SLC2A9: variants seen among roughly 807,000 people sequenced by gnomAD.
SLC2A9 encodes solute carrier family 2 member 9.
In SLC2A9, 39 loss-of-function variants were observed where a neutral mutation model predicts 50.6. That is an observed-to-expected ratio of 0.77 (90% CI 0.60 to 1.01). SLC2A9 has a LOEUF of 1.01. Ranked by LOEUF, SLC2A9 falls within the 50% of genes least tolerant of loss-of-function variation. The pLI is 0.00. For synonymous variants in SLC2A9, 324 were observed against 276.9 expected, an observed-to-expected ratio of 1.17 and a Z score of -1.69; for missense variants, 686 against 677.6, an observed-to-expected ratio of 1.01 and a Z score of -0.14.
downstream of SLC2A9, among the ~76,000 whole-genome samples, chr4:9,778,057 CTTCCT>C (rs1560270717): frequency 6.8e-4 from 2 of 2,946 alleles, no homozygotes; most frequent in Admixed American, 2.1e-3. Context: ...TCTTTCTTTC[CTTCCT>C]TCCTTCCTTC....
chr4:9,783,520 C>T lies in SLC2A9; in HGVS notation n.386-3455G>A, dbSNP rs564604787. ...ATAACCGCACAGACATTGACAAGCA[C>T]GCACACACACGCAAATACATGCCTT... On this transcript the variant is annotated intron_variant and non_coding_transcript_variant, in intron 3 of 3. Transcript: ENST00000503803. The T allele has an allele frequency of 5.5e-6, 8 of 1,453,806 alleles. No individual in the cohort carries two copies. In the East Asian group the frequency reaches 6.9e-5, roughly 13 times the overall value. 90.1% of individuals were successfully genotyped at this position (1,453,806 alleles called of 1,614,324 possible).
chr4:10,000,834 TG>T (rs1759663019), intron 2 of SLC2A9, among the ~76,000 whole-genome samples: 1 of 152,126 alleles, frequency 6.6e-6, no homozygotes, highest in Non-Finnish European at 1.5e-5. Context: ...CCTCCCTACG[TG>T]AGTGAATGGG....
chr4:9,873,200 T>C (rs1733737156), intron 10 of SLC2A9, among the ~76,000 whole-genome samples: 1 of 152,202 alleles, frequency 6.6e-6, no homozygotes, highest in African/African-American at 2.4e-5. Context: ...ACTCTATGTG[T>C]GTGCACATGC....
At chr4:9,913,194 C>T (rs972210736) in intron 7 of SLC2A9, among the ~76,000 whole-genome samples, 5 of 152,198 alleles carry the variant, frequency 3.3e-5, no homozygotes, top group African/African-American at 1.2e-4. Context: ...GGGGCTCCTT[C>T]AACAAAATAA....
intron 10 of SLC2A9, among the ~76,000 whole-genome samples, chr4:9,871,109 G>C (rs1192929766): frequency 6.6e-6 from 1 of 152,110 alleles, no homozygotes; most frequent in African/African-American, 2.4e-5. Flanking sequence ...AATTTTAAAA[G>C]TTCCCTGGTC....
intron 10 of SLC2A9, among the ~76,000 whole-genome samples, chr4:9,853,175 C>CA (rs35342884): frequency 0.23 from 18,358 of 79,222 alleles, 1,830 homozygotes; most frequent in African/African-American, 0.34. Context: ...AACTCCCTCT[C>CA]AAAAAAAAAA....
chr4:9,845,385 T>C (rs1407998806), intron 10 of SLC2A9, among the ~76,000 whole-genome samples: 3 of 151,064 alleles, frequency 2.0e-5, no homozygotes, highest in African/African-American at 4.9e-5. Context: ...CCTTAATTCA[T>C]ATTTATTAAA....
chr4:10,025,887 A>G, upstream of SLC2A9: 1 of 1,514,858 alleles, frequency 6.6e-7, no homozygotes, highest in South Asian at 1.1e-5. Flanking sequence ...GGGAGACAGA[A>G]AAAAAAAAGG....
intron 10 of SLC2A9, among the ~76,000 whole-genome samples, chr4:9,837,198 A>G (rs1727249180): frequency 6.6e-6 from 1 of 152,224 alleles, no homozygotes; most frequent in Non-Finnish European, 1.5e-5. Flanking sequence ...ACATAAGTTA[A>G]ATGCTCAAAA....
intron 8 of SLC2A9, among the ~76,000 whole-genome samples, chr4:9,900,401 G>C (rs1739384277): frequency 6.6e-6 from 1 of 152,020 alleles, no homozygotes; most frequent in Admixed American, 6.5e-5. Context: ...TGCAGGAACG[G>C]ACTTGTGGGT....
At chr4:10,019,431 T>G (rs1032605736) in intron 1 of SLC2A9, 1 of 369,632 alleles carries the variant, frequency 2.7e-6, no homozygotes, top group African/African-American at 2.1e-5. Flanking sequence ...AAAGCCAGAC[T>G]CCAAGCGCTA....
intron 3 of SLC2A9, among the ~76,000 whole-genome samples, chr4:9,818,095 T>C (rs1229511418): frequency 6.6e-6 from 1 of 152,194 alleles, no homozygotes; most frequent in Non-Finnish European, 1.5e-5. Flanking sequence ...AGGCCCAGCA[T>C]CTTCAGTTCC....
intron 10 of SLC2A9, among the ~76,000 whole-genome samples, chr4:9,845,304 C>G (rs938231227): frequency 6.6e-6 from 1 of 151,690 alleles, no homozygotes; most frequent in Admixed American, 6.6e-5. Context: ...TGAGCCACCA[C>G]GCCCAGCCAA....
At chr4:9,989,008 T>C (rs1302910267) in intron 3 of SLC2A9, among the ~76,000 whole-genome samples, 1 of 152,224 alleles carries the variant, frequency 6.6e-6, no homozygotes, top group East Asian at 1.9e-4. Context: ...AGAGAACCTA[T>C]GGAAATAATG....
At chr4:10,013,308 A>C (rs1762074771) in intron 2 of SLC2A9, among the ~76,000 whole-genome samples, 2 of 152,226 alleles carry the variant, frequency 1.3e-5, no homozygotes, top group Non-Finnish European at 2.9e-5. Context: ...CCATCCACCA[A>C]GCTGGCCAAG....
chr4:9,812,536 T>G (rs1449756481), intron 3 of SLC2A9, among the ~76,000 whole-genome samples: 1 of 152,184 alleles, frequency 6.6e-6, no homozygotes, highest in Non-Finnish European at 1.5e-5. Context: ...ATAAGCCCTT[T>G]CTAACATACC....
chr4:9,777,772 G>A (rs1560270230), downstream of SLC2A9, among the ~76,000 whole-genome samples: 1 of 152,210 alleles, frequency 6.6e-6, no homozygotes, highest in Admixed American at 6.5e-5. Flanking sequence ...GTGAAAGATG[G>A]TGTAGTCCAG....
intron 3 of SLC2A9, among the ~76,000 whole-genome samples, chr4:9,991,251 G>A (rs1578220315): frequency 6.6e-6 from 1 of 152,192 alleles, no homozygotes; most frequent in African/African-American, 2.4e-5. Context: ...CACAAGCCAT[G>A]TGTGCATCCC....
chr4:10,014,662 C>G (rs1350602452), intron 2 of SLC2A9, among the ~76,000 whole-genome samples: 1 of 152,214 alleles, frequency 6.6e-6, no homozygotes, highest in Non-Finnish European at 1.5e-5. Flanking sequence ...AGGTAGAATA[C>G]AGTCCTTCAG....
Sources: allele counts gnomAD v4.1 joint callset (sites outside exome capture counted in the v4.1 genomes callset), GRCh38; gene constraint gnomAD v4.1.1; transcripts MANE v1.5; gene names NCBI Gene and HGNC (gene_info 2026-07-23, HGNC 2026-07-21).